LRRC4C: variants seen among roughly 807,000 people sequenced by gnomAD.
LRRC4C encodes leucine rich repeat containing 4C.
A neutral mutation model predicts 33.6 loss-of-function variants in LRRC4C; 5 were observed. The ratio of observed to expected loss-of-function variants is 0.15; its 90% CI spans 0.08 to 0.31. The LOEUF (loss-of-function observed/expected upper bound fraction) is 0.31, where lower values mean the gene tolerates loss of function less well. Among genes scored for constraint, LRRC4C ranks in the 10% least tolerant of loss-of-function variants. LRRC4C has a pLI of 1.00. For missense variants in LRRC4C, 560 were observed against 796.7 expected (o/e 0.70, Z 3.58); for synonymous variants, 329 against 302.0 (o/e 1.09, Z -0.93).
intron 3 of LRRC4C, among the ~76,000 whole-genome samples, chr11:40,405,093 A>C (rs2137580041): frequency 6.6e-6 from 1 of 150,488 alleles, no homozygotes; most frequent in Non-Finnish European, 1.5e-5. Context: ...TCCTGCCCCA[A>C]CCCCAACCCT....
chr11:40,970,510 T>C (rs541491573), intron 1 of LRRC4C, among the ~76,000 whole-genome samples: 1 of 152,046 alleles, frequency 6.6e-6, no homozygotes, highest in Non-Finnish European at 1.5e-5. Flanking sequence ...CCTTATAAAG[T>C]ACCCAGTCTC....
At chr11:40,725,627 T>C (rs1159016584) in intron 2 of LRRC4C, among the ~76,000 whole-genome samples, 1 of 152,128 alleles carries the variant, frequency 6.6e-6, no homozygotes, top group South Asian at 2.1e-4. Context: ...ATTATAATAC[T>C]AAAAATCATA....
chr11:41,417,882 TTTC>T (rs527756304), intron 1 of LRRC4C, among the ~76,000 whole-genome samples: 7 of 151,846 alleles, frequency 4.6e-5, no homozygotes, highest in South Asian at 2.1e-4. Flanking sequence ...CTAGCTAATA[TTTC>T]TTTTCTCAAC....
intron 1 of LRRC4C, among the ~76,000 whole-genome samples, chr11:41,226,852 C>G (rs1043536400): frequency 6.6e-6 from 1 of 151,932 alleles, no homozygotes; most frequent in African/African-American, 2.4e-5. Context: ...CATCTGCAGT[C>G]TCCCATTTTA....
intron 3 of LRRC4C, among the ~76,000 whole-genome samples, chr11:40,587,119 C>T (rs1253463880): frequency 6.6e-6 from 1 of 151,922 alleles, no homozygotes; most frequent in African/African-American, 2.4e-5. Flanking sequence ...ATGGAATGTT[C>T]TTCCATTTGT....
At chr11:41,124,138 G>A (rs17417019) in intron 1 of LRRC4C, among the ~76,000 whole-genome samples, 313 of 152,112 alleles carry the variant, frequency 2.1e-3, no homozygotes, top group South Asian at 5.0e-3. Context: ...TATCAAAAAT[G>A]GTAAGTTACA....
intron 4 of LRRC4C, among the ~76,000 whole-genome samples, chr11:40,287,110 G>C (rs956031775): frequency 6.6e-6 from 1 of 152,052 alleles, no homozygotes; most frequent in African/African-American, 2.4e-5. Context: ...TAACAGAAGA[G>C]AATATAGAAC....
chr11:40,745,692 T>G (rs1361467272), intron 2 of LRRC4C, among the ~76,000 whole-genome samples: 3 of 152,156 alleles, frequency 2.0e-5, no homozygotes, highest in Non-Finnish European at 2.9e-5. Context: ...AGAAATACAA[T>G]GAATATATTT....
intron 1 of LRRC4C, among the ~76,000 whole-genome samples, chr11:40,969,472 A>AAT: frequency 6.6e-6 from 1 of 151,800 alleles, no homozygotes; most frequent in East Asian, 1.9e-4. Context: ...CAAAAAAAAA[A>AAT]AAAACTATTT....
At chr11:40,982,095 T>A (rs1852585887) in intron 1 of LRRC4C, among the ~76,000 whole-genome samples, 1 of 152,174 alleles carries the variant, frequency 6.6e-6, no homozygotes. Context: ...ATTCAGTGTT[T>A]CTCTTGAGGC....
At chr11:40,163,175 C>A (rs868806202) in intron 5 of LRRC4C, among the ~76,000 whole-genome samples, 4 of 152,188 alleles carry the variant, frequency 2.6e-5, no homozygotes, top group Admixed American at 6.5e-5. Flanking sequence ...CCTATCCATA[C>A]CCTATCCACC....
chr11:40,724,174 C>T (rs1464848376), intron 2 of LRRC4C, among the ~76,000 whole-genome samples: 3 of 152,064 alleles, frequency 2.0e-5, no homozygotes, highest in African/African-American at 7.2e-5. Context: ...ACTTCAAAAC[C>T]CCACTGACAG....
At chr11:40,372,444 C>A (rs1389421064) in intron 3 of LRRC4C, among the ~76,000 whole-genome samples, 4 of 152,184 alleles carry the variant, frequency 2.6e-5, no homozygotes, top group African/African-American at 9.6e-5. Context: ...CAGTTCCTTG[C>A]TTTTAAAAGC....
chr11:41,335,664 C>G (rs1172940496), intron 1 of LRRC4C, among the ~76,000 whole-genome samples: 1 of 152,126 alleles, frequency 6.6e-6, no homozygotes, highest in Non-Finnish European at 1.5e-5. Context: ...AGCACCTGCA[C>G]CAATAATAGA....
At chr11:41,156,020 A>G (rs1319854058) in intron 1 of LRRC4C, among the ~76,000 whole-genome samples, 1 of 152,126 alleles carries the variant, frequency 6.6e-6, no homozygotes, top group African/African-American at 2.4e-5. Context: ...CATTTTGTGA[A>G]CAGATTTTTC....
chr11:40,933,013 CAG>C (rs1233104830), intron 2 of LRRC4C, among the ~76,000 whole-genome samples: 1 of 151,976 alleles, frequency 6.6e-6, no homozygotes, highest in Non-Finnish European at 1.5e-5. Context: ...AAAAATATGC[CAG>C]GGGATAGATT....
At chr11:40,788,021 T>A (rs182983736) in intron 2 of LRRC4C, among the ~76,000 whole-genome samples, 115 of 152,308 alleles carry the variant, frequency 7.6e-4, no homozygotes, top group African/African-American at 2.7e-3. Context: ...ATATCATTTA[T>A]TCCCCACAAT....
At chr11:40,903,194 G>A (rs1164126034) in intron 2 of LRRC4C, among the ~76,000 whole-genome samples, 2 of 152,158 alleles carry the variant, frequency 1.3e-5, no homozygotes, top group Non-Finnish European at 2.9e-5. Flanking sequence ...CAATAAGAAT[G>A]ATGCTAAATC....
At chr11:40,720,951 G>A (rs1394302649) in intron 2 of LRRC4C, among the ~76,000 whole-genome samples, 2 of 152,110 alleles carry the variant, frequency 1.3e-5, no homozygotes, top group African/African-American at 4.8e-5. Context: ...AGGGACCCTT[G>A]CCATAGGAGA....
Sources: allele counts gnomAD v4.1 joint callset (sites outside exome capture counted in the v4.1 genomes callset), GRCh38; gene constraint gnomAD v4.1.1; transcripts MANE v1.5; gene names NCBI Gene and HGNC (gene_info 2026-07-23, HGNC 2026-07-21).